DOCK1: variants seen among roughly 807,000 people sequenced by gnomAD.
DOCK1 encodes dedicator of cytokinesis protein 1.
Under a neutral mutation model 262.7 loss-of-function variants are expected in DOCK1, and 138 were observed. The ratio of observed to expected loss-of-function variants is 0.53; its 90% confidence interval spans 0.46 to 0.61. The LOEUF (loss-of-function observed/expected upper bound fraction) is 0.61. DOCK1 is among the 20% of genes least tolerant of loss of function. DOCK1 has a pLI of 0.00. For missense variants in DOCK1, 1,908 were observed against 2,370.7 expected (o/e 0.80, Z 4.05); for synonymous variants, 866 against 867.4 (o/e 1.00, Z 0.03).
chr10:127,293,744 C>T (rs1041929404), intron 29 of DOCK1, among the ~76,000 whole-genome samples: 2 of 152,216 alleles, frequency 1.3e-5, no homozygotes, highest in Admixed American at 6.5e-5. Context: ...CCCTTAGATA[C>T]AGCACAGGGC....
At chr10:127,155,092 G>A (rs2052908063) in intron 27 of DOCK1, among the ~76,000 whole-genome samples, 2 of 152,164 alleles carry the variant, frequency 1.3e-5, no homozygotes, top group Non-Finnish European at 2.9e-5. Flanking sequence ...TAAACACTCT[G>A]GGGGCAAATT....
chr10:127,139,085 A>G (rs2050977304), intron 27 of DOCK1, among the ~76,000 whole-genome samples: 1 of 152,128 alleles, frequency 6.6e-6, no homozygotes, highest in Non-Finnish European at 1.5e-5. Context: ...TCCTCCTTCC[A>G]TGTCTGGTCT....
chr10:127,021,312 C>T (rs139577895), intron 13 of DOCK1, among the ~76,000 whole-genome samples: 215 of 152,234 alleles, frequency 1.4e-3, no homozygotes, highest in African/African-American at 3.7e-3. Context: ...ATTACAGGCA[C>T]GCACTACCAT....
intron 29 of DOCK1, among the ~76,000 whole-genome samples, chr10:127,298,098 CTAT>C (rs940632447): frequency 2.6e-5 from 4 of 152,128 alleles, no homozygotes; most frequent in African/African-American, 9.7e-5. Context: ...AATTTTAAAA[CTAT>C]TATTAAGATC....
intron 25 of DOCK1, among the ~76,000 whole-genome samples, chr10:127,123,995 T>C (rs2049784748): frequency 6.6e-6 from 1 of 152,254 alleles, no homozygotes; most frequent in African/African-American, 2.4e-5. Flanking sequence ...CTCTCACTCC[T>C]TTCTTGGCGA....
At chr10:127,314,015 C>T (rs952630993) in intron 29 of DOCK1, among the ~76,000 whole-genome samples, 6 of 152,118 alleles carry the variant, frequency 3.9e-5, no homozygotes, top group Admixed American at 2.0e-4. Flanking sequence ...GTGTTGCACC[C>T]TCTAGAGAAA....
chr10:127,199,809 A>T (rs911109936), intron 27 of DOCK1, among the ~76,000 whole-genome samples: 1 of 152,124 alleles, frequency 6.6e-6, no homozygotes, highest in African/African-American at 2.4e-5. Context: ...TCTCAGTGTG[A>T]CCTCATTTGT....
chr10:127,042,096 T>A (rs2135632210), intron 19 of DOCK1, among the ~76,000 whole-genome samples: 1 of 152,346 alleles, frequency 6.6e-6, no homozygotes, highest in Admixed American at 6.5e-5. Flanking sequence ...GACATTGTTG[T>A]TGAATAAAGT....
At chr10:127,385,079 C>A (rs535206587) in intron 38 of DOCK1, among the ~76,000 whole-genome samples, 170 bp downstream of exon 38, 1 of 150,044 alleles carries the variant, frequency 6.7e-6, no homozygotes, top group Non-Finnish European at 1.5e-5. Flanking sequence ...AAGTAGAAAT[C>A]TTCTTTTAAA....
intron 22 of DOCK1, among the ~76,000 whole-genome samples, chr10:127,057,612 G>A (rs1367833642): frequency 6.6e-6 from 1 of 152,196 alleles, no homozygotes; most frequent in Non-Finnish European, 1.5e-5. Flanking sequence ...ACAGCCGGGG[G>A]CACTTCTCTA....
chr10:127,127,227 T>G (rs1033277330), intron 26 of DOCK1, among the ~76,000 whole-genome samples: 15 of 152,244 alleles, frequency 9.9e-5, no homozygotes, highest in African/African-American at 3.6e-4. Flanking sequence ...GAATTTTAGA[T>G]AGTTTGCTAA....
intron 27 of DOCK1, among the ~76,000 whole-genome samples, chr10:127,215,505 T>A (rs377664760): frequency 9.9e-5 from 15 of 152,222 alleles, no homozygotes; most frequent in African/African-American, 3.6e-4. Flanking sequence ...GTAGCTACAT[T>A]CTGTACCTGT....
Position 127,374,125 on chromosome 10 carries a change from G to A in DOCK1, c.3586G>A (p.Val1196Met). 1.2e-6 allele frequency: 2 copies of A among 1,613,724 alleles called. No homozygotes were observed. The highest frequency in any genetic ancestry group is 1.7e-6 in the Non-Finnish European group (2 of 1,179,786). The change falls in exon 35 of 52, where the codon GTG (valine) becomes ATG (methionine). Residue 1196 changes from valine to methionine, a missense_variant. Coordinates refer to ENST00000623213, the MANE Select transcript of DOCK1 (RefSeq NM_001290223.2). Reference protein sequence around the residue: ...KTGETFVKLVVRLMERLLDYR... With the variant: ...KTGETFVKLVMRLMERLLDYR... ...AGGAGAAACTTTTGTAAAACTCGTT[G>A]TGCGCTTAATGGAAAGGCTTTTGGA...
chr10:127,274,293 G>T (rs115128970), intron 29 of DOCK1, among the ~76,000 whole-genome samples: 2,920 of 152,282 alleles, frequency 0.019, 111 homozygotes, highest in African/African-American at 0.067. Context: ...GGTGAAGAGG[G>T]ACTGGAGGGA....
chr10:127,409,431 A>G (rs916890432), intron 42 of DOCK1, 40 bp downstream of exon 42: 7 of 1,600,710 alleles, frequency 4.4e-6, no homozygotes, highest in Non-Finnish European at 6.0e-6. Context: ...GAGGGTTGTA[A>G]GAGGCTGTGT....
At chr10:127,330,421 A>C (rs1010291281) in intron 29 of DOCK1, among the ~76,000 whole-genome samples, 1 of 150,556 alleles carries the variant, frequency 6.6e-6, no homozygotes, top group Non-Finnish European at 1.5e-5. Flanking sequence ...AAAAAAAAAA[A>C]CAGGGAAATA....
chr10:126,932,817 A>C (rs2034284278), intron 1 of DOCK1, among the ~76,000 whole-genome samples: 1 of 152,108 alleles, frequency 6.6e-6, no homozygotes, highest in African/African-American at 2.4e-5. Context: ...TGGTTCAATT[A>C]CTGCCAGACT....
intron 22 of DOCK1, among the ~76,000 whole-genome samples, chr10:127,055,696 C>G (rs980689886): frequency 1.3e-5 from 2 of 152,204 alleles, no homozygotes; most frequent in South Asian, 4.1e-4. Context: ...TTTTGCAGAG[C>G]CTTTCTTCTC....
At chr10:127,351,221 G>C (rs1000357383) in intron 31 of DOCK1, among the ~76,000 whole-genome samples, 2 of 152,086 alleles carry the variant, frequency 1.3e-5, no homozygotes, top group African/African-American at 4.8e-5. Context: ...CCTCCTAAGC[G>C]TAGGTTCTCC....
Sources: gnomAD v4.1 joint callset for allele counts (sites outside exome capture counted in the v4.1 genomes callset) on GRCh38, gnomAD v4.1.1 for gene constraint, MANE v1.5 for transcripts, NCBI Gene and HGNC (gene_info 2026-07-23, HGNC 2026-07-21) for gene names.